Variants in FGF13 observed in about 807,000 individuals in gnomAD.
FGF13 encodes fibroblast growth factor homologous factor 2.
A neutral mutation model predicts 19.5 loss-of-function variants in FGF13; 2 were observed. The observed-to-expected ratio is 0.10, with a 90% confidence interval of 0.04 to 0.32. FGF13 has a LOEUF of 0.32. Among genes scored for constraint, FGF13 ranks in the 10% least tolerant of loss-of-function variants. The pLI is 1.00. For missense variants in FGF13, 113 were observed against 192.7 expected (o/e 0.59, Z 2.45); for synonymous variants, 72 against 76.9 (o/e 0.94, Z 0.33).
chrX:138,905,759 C>T (rs1338559027), intron 1 of FGF13, among the ~76,000 whole-genome samples: 2 of 112,094 alleles, frequency 1.8e-5, no homozygotes, highest in East Asian at 5.6e-4. Flanking sequence ...GTCGTGGATC[C>T]AGTGGGAGAA....
intron 1 of FGF13, among the ~76,000 whole-genome samples, chrX:139,068,305 G>A (rs975581426): frequency 4.9e-5 from 5 of 102,225 alleles, no homozygotes; most frequent in African/African-American, 7.8e-5. Context: ...TAGATATGCT[G>A]CGTTATTTCT....
At chrX:138,895,284 G>A (rs2091498594) in intron 1 of FGF13, among the ~76,000 whole-genome samples, 1 of 112,015 alleles carries the variant, frequency 8.9e-6, no homozygotes, top group Non-Finnish European at 1.9e-5. Flanking sequence ...TACCATGTAT[G>A]TGTGTGTTGG....
At chrX:138,880,588 A>G (rs1042793836) in intron 1 of FGF13, among the ~76,000 whole-genome samples, 1 of 111,610 alleles carries the variant, frequency 9.0e-6, no homozygotes, top group East Asian at 2.8e-4. Flanking sequence ...AGAACAGAAA[A>G]CCAAACACTA....
intron 3 of FGF13, among the ~76,000 whole-genome samples, chrX:138,643,697 A>G (rs956557652): frequency 8.9e-6 from 1 of 112,183 alleles, no homozygotes; most frequent in African/African-American, 3.2e-5. Context: ...ACTGTTTAAC[A>G]GAAATCTGTG....
chrX:138,941,159 G>C (rs1484015091), intron 1 of FGF13, among the ~76,000 whole-genome samples: 3 of 111,200 alleles, frequency 2.7e-5, no homozygotes, highest in African/African-American at 9.8e-5. Flanking sequence ...GACAAGAAAG[G>C]ATGCACTCTC....
chrX:139,137,821 G>A lies in FGF13; in HGVS notation c.-113+65595C>T, dbSNP rs139945682. Among the ~76,000 whole-genome samples, 323 of 112,038 alleles carry A rather than the reference G, an allele frequency of 2.9e-3. 2 individuals are homozygous for A. The highest frequency in any genetic ancestry group is 0.01 in the African/African-American group (311 of 30,826). ...TTTAGGGAAAGCATTTTAGATCACC[G>A]TGAAGCAATGGTCACACGGCCAGTT... On this transcript the variant is annotated intron_variant, in intron 1 of 2. Transcript: ENST00000421460.
chrX:138,908,366 C>T (rs971473025), intron 1 of FGF13, among the ~76,000 whole-genome samples: 7 of 107,694 alleles, frequency 6.5e-5, no homozygotes, highest in Non-Finnish European at 7.7e-5. Flanking sequence ...CGTGAGCCAC[C>T]GTGCCTGGCC....
At chrX:138,759,492 G>T (rs2090452010) in intron 3 of FGF13, among the ~76,000 whole-genome samples, 1 of 112,263 alleles carries the variant, frequency 8.9e-6, no homozygotes, top group Non-Finnish European at 1.9e-5. Flanking sequence ...GCTGGCTGAG[G>T]AGAAAGAAAA....
intron 1 of FGF13, among the ~76,000 whole-genome samples, chrX:138,892,040 T>G (rs1450001985): frequency 7.0e-5 from 7 of 99,806 alleles, no homozygotes; most frequent in Non-Finnish European, 1.1e-4. Flanking sequence ...GTGTATTATC[T>G]CCTACTAGTT....
intron 2 of FGF13, among the ~76,000 whole-genome samples, chrX:138,858,763 A>AAAAT (rs1053910724): frequency 9.0e-6 from 1 of 110,625 alleles, no homozygotes; most frequent in African/African-American, 3.3e-5. Context: ...TGTAAAAAAA[A>AAAAT]AAATAAATAA....
At chrX:138,642,753 GC>G (rs1475881358) in intron 3 of FGF13, among the ~76,000 whole-genome samples, 1 of 111,799 alleles carries the variant, frequency 8.9e-6, no homozygotes, top group East Asian at 2.8e-4. Context: ...GAACTGTTTT[GC>G]CTCCTTTCAT....
At chrX:138,850,595 G>A (rs1022772427) in intron 3 of FGF13, among the ~76,000 whole-genome samples, 1 of 112,059 alleles carries the variant, frequency 8.9e-6, no homozygotes, top group Non-Finnish European at 1.9e-5. Context: ...ATTGTCTTGT[G>A]TCATTTTGTG....
intron 1 of FGF13, among the ~76,000 whole-genome samples, chrX:139,173,467 C>T (rs192360331): frequency 1.4e-3 from 154 of 110,445 alleles, no homozygotes; most frequent in African/African-American, 4.5e-3. Context: ...GTTTGTTACA[C>T]GGGTATATAC....
chrX:138,823,454 G>C (rs2091013376), intron 3 of FGF13, among the ~76,000 whole-genome samples: 1 of 110,721 alleles, frequency 9.0e-6, no homozygotes. Context: ...AAGAGTTTCT[G>C]TTTCCCCTTT....
intron 3 of FGF13, among the ~76,000 whole-genome samples, chrX:138,657,811 T>C (rs1483542635): frequency 8.9e-6 from 1 of 112,138 alleles, no homozygotes; most frequent in African/African-American, 3.2e-5. Flanking sequence ...CCAGTATGAT[T>C]ACTACACTGA....
rs1045953429 is a variant in FGF13, at chrX:138,632,118, A to C, written c.*732T>G. On this transcript the variant is annotated 3_prime_UTR_variant, in exon 5 of 5. Transcript: ENST00000315930. ...CTTTACTGACTGGGGTTGACAATAC[A>C]ACTCAATTTCTACGCACAAAGTACA... The C allele has an allele frequency of 3.6e-5, 4 of 110,160 alleles. No individual in the cohort carries two copies. The highest frequency in any genetic ancestry group is 1.3e-4 in the African/African-American group (4 of 30,213). The allele number at this position is 110,160 out of a possible 1,213,427, so 9.1% of individuals were successfully genotyped here. A position where few individuals can be genotyped will look rare whatever the true frequency, so the allele number is the denominator to read the frequency against.
At chrX:138,977,077 C>T (rs1302384286) in intron 1 of FGF13, among the ~76,000 whole-genome samples, 1 of 111,537 alleles carries the variant, frequency 9.0e-6, no homozygotes, top group Non-Finnish European at 1.9e-5. Flanking sequence ...ACAATGAACT[C>T]TTTGAATCTG....
intron 1 of FGF13, among the ~76,000 whole-genome samples, chrX:139,190,326 G>A (rs2084315215): frequency 8.9e-6 from 1 of 111,926 alleles, no homozygotes; most frequent in Non-Finnish European, 1.9e-5. Flanking sequence ...ACTAGACAGT[G>A]TCTGAAGGAC....
chrX:138,919,092 C>G (rs2091631913), intron 1 of FGF13, among the ~76,000 whole-genome samples: 1 of 111,661 alleles, frequency 9.0e-6, no homozygotes, highest in Non-Finnish European at 1.9e-5. Context: ...ACAAAAACCA[C>G]AAACCATAAA....
Sources: gnomAD v4.1 joint callset for allele counts (sites outside exome capture counted in the v4.1 genomes callset) on GRCh38, gnomAD v4.1.1 for gene constraint, MANE v1.5 for transcripts, NCBI Gene and HGNC (gene_info 2026-07-23, HGNC 2026-07-21) for gene names.